ATPSCKMT: variants seen among roughly 807,000 people sequenced by gnomAD.
ATPSCKMT encodes the protein ATP synthase subunit C lysine N-methyltransferase.
ATPSCKMT carries 24 observed loss-of-function variants against 24.3 expected under a neutral mutation model. The observed-to-expected ratio is 0.99, with a 90% CI of 0.71 to 1.39. The LOEUF (loss-of-function observed/expected upper bound fraction) is 1.39. Ranked by LOEUF, ATPSCKMT falls within the 40% of genes most tolerant of loss-of-function variation. The probability of loss-of-function intolerance (pLI) is 0.00; values close to 1 mark genes in which losing one functional copy is unlikely to be tolerated. For missense variants in ATPSCKMT, 311 were observed against 298.4 expected (o/e 1.04, Z -0.31); for synonymous variants, 95 against 110.5 (o/e 0.86, Z 0.88).
At chr5:10,244,053 A>C (rs1744767828) in intron 1 of ATPSCKMT, among the ~76,000 whole-genome samples, 1 of 152,174 alleles carries the variant, frequency 6.6e-6, no homozygotes, top group Non-Finnish European at 1.5e-5. Flanking sequence ...TAGGGTTATT[A>C]ATCAGCCTAA....
intron 1 of ATPSCKMT, chr5:10,249,597 G>A (rs1745196400): frequency 4.2e-6 from 2 of 470,620 alleles, no homozygotes; most frequent in East Asian, 3.3e-5. Flanking sequence ...TTAAGATCGT[G>A]CCAAAGGCTG....
intron 4 of ATPSCKMT, among the ~76,000 whole-genome samples, chr5:10,230,917 T>C (rs917496366): frequency 4.6e-5 from 7 of 152,060 alleles, no homozygotes; most frequent in African/African-American, 1.7e-4. Context: ...GAGTCTCAGC[T>C]ACTCCCAGGC....
At chr5:10,230,622 A>G (rs2126422993) in intron 4 of ATPSCKMT, among the ~76,000 whole-genome samples, 1 of 152,346 alleles carries the variant, frequency 6.6e-6, no homozygotes, top group Non-Finnish European at 1.5e-5. Context: ...AATTATTCAT[A>G]CAATTATAGG....
Position 10,227,182 on chromosome 5 carries a change from T to A in ATPSCKMT, c.*259A>T. The stretch of plus-strand genomic sequence containing the variant: ...CATCTTATTTTCCTACCCATAACCA[T>A]GACCATCACTTATTCATCTTTTCAT... On this transcript the variant is annotated 3_prime_UTR_variant, in exon 5 of 5. Transcript: ENST00000511437. 2.1e-6 allele frequency: 1 copy of A among 474,096 alleles called. No individual in the cohort carries two copies. The highest frequency in any genetic ancestry group is 4.1e-5 in the East Asian group (1 of 24,370). 29.4% of individuals were successfully genotyped at this position (474,096 alleles called of 1,614,324 possible). A position where few individuals can be genotyped will look rare whatever the true frequency, so the allele number is the denominator to read the frequency against.
intron 2 of ATPSCKMT, chr5:10,237,142 A>G (rs1744413613): frequency 2.6e-6 from 2 of 761,934 alleles, no homozygotes; most frequent in South Asian, 3.1e-5. Flanking sequence ...ATGAATCCCA[A>G]TAACGTCAAC....
chr5:10,242,726 TTTCTTAAATAA>T (rs1744705820), intron 1 of ATPSCKMT, among the ~76,000 whole-genome samples: 1 of 152,212 alleles, frequency 6.6e-6, no homozygotes, highest in Admixed American at 6.5e-5. Context: ...ACGAAATGTA[TTTCTTAAATAA>T]CAAGACTTAA....
chr5:10,232,554 T>C (rs1179512873), intron 4 of ATPSCKMT, among the ~76,000 whole-genome samples: 2 of 152,234 alleles, frequency 1.3e-5, no homozygotes, highest in East Asian at 3.9e-4. Context: ...GCTCGCCTCA[T>C]TGTCATCAAG....
At chr5:10,241,519 G>A (rs1021742780) in intron 1 of ATPSCKMT, among the ~76,000 whole-genome samples, 2 of 152,168 alleles carry the variant, frequency 1.3e-5, no homozygotes, top group Non-Finnish European at 2.9e-5. Flanking sequence ...GATTCCTGAA[G>A]CCCCTTAAAA....
chr5:10,236,877 C>A (rs1409275355), intron 2 of ATPSCKMT: 5 of 1,435,796 alleles, frequency 3.5e-6, no homozygotes, highest in Non-Finnish European at 4.6e-6. Flanking sequence ...ACTTGGAACA[C>A]CTCCATAATT....
At chr5:10,234,869 T>C (rs948713957) in intron 4 of ATPSCKMT, among the ~76,000 whole-genome samples, 1 of 152,158 alleles carries the variant, frequency 6.6e-6, no homozygotes, top group Non-Finnish European at 1.5e-5. Context: ...TCTCATTAAC[T>C]TTCCGGAGCG....
intron 4 of ATPSCKMT, among the ~76,000 whole-genome samples, chr5:10,232,835 C>T (rs536584826): frequency 7.2e-5 from 11 of 152,322 alleles, no homozygotes; most frequent in African/African-American, 2.4e-4. Flanking sequence ...TCCCTAAAAA[C>T]GGCAAGAAGT....
At chr5:10,244,909 CAAAAA>C (rs60578858) in intron 1 of ATPSCKMT, among the ~76,000 whole-genome samples, 1 of 137,196 alleles carries the variant, frequency 7.3e-6, no homozygotes, top group Admixed American at 7.2e-5. Context: ...CCCTGGTTGT[CAAAAA>C]AAAAAAAAAA....
intron 2 of ATPSCKMT, among the ~76,000 whole-genome samples, chr5:10,238,494 T>C (rs1322977965): frequency 1.3e-5 from 2 of 152,120 alleles, no homozygotes; most frequent in African/African-American, 2.4e-5. Flanking sequence ...AGGCTAAGGA[T>C]GGTGCCACCC....
intron 4 of ATPSCKMT, among the ~76,000 whole-genome samples, chr5:10,232,714 G>T (rs1265464759): frequency 1.3e-5 from 2 of 152,252 alleles, no homozygotes; most frequent in Non-Finnish European, 2.9e-5. Flanking sequence ...GCCGAGAGAA[G>T]GACGGAGGGC....
At chr5:10,238,149 GAA>G (rs1744459055) in intron 2 of ATPSCKMT, among the ~76,000 whole-genome samples, 2 of 152,176 alleles carry the variant, frequency 1.3e-5, no homozygotes, top group South Asian at 4.1e-4. Context: ...TTTGCAAGAT[GAA>G]AAGAGTTCTG....
Position 10,232,906 on chromosome 5 carries a change from C to T in ATPSCKMT, c.495+2305G>A, listed in dbSNP as rs142704947. Among the ~76,000 whole-genome samples the T allele has an allele frequency of 5.3e-5, 8 of 152,376 alleles. No individual in the cohort carries two copies. The East Asian group carries it at 1.3e-3, about 26-fold the overall frequency. On this transcript the variant is annotated intron_variant, in intron 4 of 4. Coordinates refer to ENST00000511437, the MANE Select transcript of ATPSCKMT (RefSeq NM_199133.4). ...GCTCTGCACTTTGAAAAGATGCTCTCAGTGCGTAAGCTCATGTTAAACATG... is the reference window on the plus strand; with the variant it reads ...GCTCTGCACTTTGAAAAGATGCTCTTAGTGCGTAAGCTCATGTTAAACATG...
At chr5:10,240,158 C>T (rs1398908033) in intron 1 of ATPSCKMT, among the ~76,000 whole-genome samples, 5 of 151,006 alleles carry the variant, frequency 3.3e-5, no homozygotes, top group Non-Finnish European at 5.9e-5. Flanking sequence ...GGCATGAACC[C>T]GGGAGGTGGA....
chr5:10,236,727 C>A, intron 2 of ATPSCKMT, 112 bp from the exon 3 acceptor site: 1 of 1,495,980 alleles, frequency 6.7e-7, no homozygotes. Context: ...AAAAGCACCT[C>A]CCGTGACTAA....
chr5:10,235,380 ACTC>A (rs1744329865), intron 3 of ATPSCKMT, 119 bp from the exon 4 acceptor site: 1 of 756,498 alleles, frequency 1.3e-6, no homozygotes, highest in South Asian at 1.6e-5. Context: ...GTTTTGATGA[ACTC>A]CTAAGAACAG....
Sources: allele counts gnomAD v4.1 joint callset (sites outside exome capture counted in the v4.1 genomes callset), GRCh38; gene constraint gnomAD v4.1.1; transcripts MANE v1.5; gene names NCBI Gene and HGNC (gene_info 2026-07-23, HGNC 2026-07-21).